Variants in KLF12 observed in about 807,000 individuals in gnomAD.
The protein encoded by KLF12 is Krueppel-like factor 12.
KLF12 carries 9 observed loss-of-function variants against 37.8 expected under a neutral mutation model. The ratio of observed to expected loss-of-function variants is 0.24; its 90% CI spans 0.14 to 0.42. The LOEUF (loss-of-function observed/expected upper bound fraction) is 0.42. KLF12 is among the 10% of genes least tolerant of loss of function. The probability of loss-of-function intolerance (pLI) is 1.00; values close to 1 mark genes in which losing one functional copy is unlikely to be tolerated. For synonymous variants in KLF12, 208 were observed against 202.1 expected, an observed-to-expected ratio of 1.03 and a Z score of -0.25; for missense variants, 411 against 516.0, an observed-to-expected ratio of 0.80 and a Z score of 1.97.
chr13:74,254,457 A>G, the KLF12 span, among the ~76,000 whole-genome samples: 3 of 152,214 alleles, frequency 2.0e-5, no homozygotes, highest in Non-Finnish European at 2.9e-5. Context: ...TTTAATTCTG[A>G]GAACAACCCA....
At chr13:74,091,190 T>G (rs1326764461) in intron 1 of KLF12, among the ~76,000 whole-genome samples, 1 of 152,156 alleles carries the variant, frequency 6.6e-6, no homozygotes, top group East Asian at 1.9e-4. Flanking sequence ...AAGAATGACT[T>G]TGGACCCTTG....
chr13:74,122,291 T>C (rs1877674856), intron 1 of KLF12, among the ~76,000 whole-genome samples: 1 of 152,120 alleles, frequency 6.6e-6, no homozygotes, highest in South Asian at 2.1e-4. Flanking sequence ...ATTCTTAGAA[T>C]AATTCTAATT....
intron 1 of KLF12, among the ~76,000 whole-genome samples, chr13:74,115,720 A>G (rs1008825065): frequency 3.3e-5 from 4 of 122,906 alleles, no homozygotes; most frequent in East Asian, 5.0e-4. Flanking sequence ...AAAAAAAAAA[A>G]TCTTTTCCTT....
At chr13:73,933,227 C>T (rs1233300848) in intron 3 of KLF12, among the ~76,000 whole-genome samples, 1 of 152,068 alleles carries the variant, frequency 6.6e-6, no homozygotes, top group Non-Finnish European at 1.5e-5. Flanking sequence ...GTTCTGAGGC[C>T]TACTTTGATA....
intron 1 of KLF12, among the ~76,000 whole-genome samples, chr13:74,085,148 T>C (rs1593886900): frequency 2.0e-5 from 3 of 152,030 alleles, no homozygotes; most frequent in South Asian, 2.1e-4. Flanking sequence ...GTACCAGCAA[T>C]CAAACCCACG....
intron 3 of KLF12, among the ~76,000 whole-genome samples, chr13:73,850,184 T>A (rs1207344542): frequency 6.6e-6 from 1 of 152,224 alleles, no homozygotes; most frequent in Non-Finnish European, 1.5e-5. Flanking sequence ...TGTCACATTG[T>A]CTTTTCTCCA....
At chr13:73,761,074 A>C (rs1294075638) in intron 6 of KLF12, among the ~76,000 whole-genome samples, 1 of 152,174 alleles carries the variant, frequency 6.6e-6, no homozygotes, top group Non-Finnish European at 1.5e-5. Flanking sequence ...TATGACCTGG[A>C]AACAGCTGCT....
intron 1 of KLF12, among the ~76,000 whole-genome samples, chr13:74,088,139 T>C (rs1265203130): frequency 6.6e-6 from 1 of 152,172 alleles, no homozygotes; most frequent in Non-Finnish European, 1.5e-5. Context: ...CATGGTGAGC[T>C]TGGCCCAAAG....
chr13:74,053,964 A>G (rs1437179440), intron 1 of KLF12, among the ~76,000 whole-genome samples: 1 of 152,270 alleles, frequency 6.6e-6, no homozygotes, highest in East Asian at 1.9e-4. Context: ...TACTATGAAC[A>G]TTTAGAGGCA....
Position 73,810,332 on chromosome 13 carries a change from C to T in KLF12, c.806+2820G>A, listed in dbSNP as rs117826807. Among the ~76,000 whole-genome samples, 177 of 152,086 alleles carry T rather than the reference C, an allele frequency of 1.2e-3. 2 individuals carry two copies. The East Asian group carries it at 0.033, about 28-fold the overall frequency. On this transcript the variant is annotated intron_variant, in intron 5 of 7. Transcript: ENST00000377669. ...TTAAACAGTTACACATTAAAATATA[C>T]TAATACATAATATGCACGTATTAAA...
the KLF12 span, among the ~76,000 whole-genome samples, chr13:74,269,925 G>C: frequency 6.6e-6 from 1 of 152,200 alleles, no homozygotes; most frequent in South Asian, 2.1e-4. Flanking sequence ...GGTATTCAGT[G>C]TACACAGTGC....
At chr13:74,232,449 G>GTAT in the KLF12 span, among the ~76,000 whole-genome samples, 1 of 152,036 alleles carries the variant, frequency 6.6e-6, no homozygotes, top group Admixed American at 6.6e-5. Flanking sequence ...ATATATGTTT[G>GTAT]TATTATTTCT....
chr13:73,986,463 T>A (rs1891830731), intron 2 of KLF12, among the ~76,000 whole-genome samples: 1 of 152,140 alleles, frequency 6.6e-6, no homozygotes, highest in Admixed American at 6.5e-5. Flanking sequence ...CAACCACATG[T>A]TTATGACAAA....
chr13:73,873,948 C>T (rs1886588936), intron 3 of KLF12, among the ~76,000 whole-genome samples: 1 of 151,380 alleles, frequency 6.6e-6, no homozygotes. Context: ...AACATTGAAG[C>T]AAATAACTCA....
At chr13:74,248,115 T>C in the KLF12 span, among the ~76,000 whole-genome samples, 3 of 152,230 alleles carry the variant, frequency 2.0e-5, no homozygotes, top group African/African-American at 4.8e-5. Flanking sequence ...CTGGTTATGC[T>C]GCTTCAAATA....
At chr13:74,226,660 G>T in the KLF12 span, among the ~76,000 whole-genome samples, 2 of 152,118 alleles carry the variant, frequency 1.3e-5, no homozygotes, top group African/African-American at 2.4e-5. Flanking sequence ...AAAGAAAATT[G>T]TGAATTTTTT....
At chr13:74,241,859 A>G in the KLF12 span, among the ~76,000 whole-genome samples, 4 of 152,112 alleles carry the variant, frequency 2.6e-5, no homozygotes, top group African/African-American at 4.8e-5. Flanking sequence ...CTCCGTAGTG[A>G]GATGAACCCG....
At chr13:74,275,294 C>G in the KLF12 span, among the ~76,000 whole-genome samples, 2 of 152,172 alleles carry the variant, frequency 1.3e-5, no homozygotes, top group African/African-American at 2.4e-5. Context: ...TTTCCAATGT[C>G]ACTATGAATC....
At chr13:73,900,193 C>T (rs949834915) in intron 3 of KLF12, among the ~76,000 whole-genome samples, 7 of 152,012 alleles carry the variant, frequency 4.6e-5, no homozygotes, top group Admixed American at 3.3e-4. Flanking sequence ...GAGATCCGGT[C>T]GTCATAAGGG....
Sources: gnomAD v4.1 joint callset for allele counts (sites outside exome capture counted in the v4.1 genomes callset) on GRCh38, gnomAD v4.1.1 for gene constraint, MANE v1.5 for transcripts, NCBI Gene and HGNC (gene_info 2026-07-23, HGNC 2026-07-21) for gene names.